COPG1: variants seen among roughly 807,000 people sequenced by gnomAD.
COPG1 encodes coatomer subunit gamma-1.
In COPG1, 29 loss-of-function variants were observed where a neutral mutation model predicts 102.8. The observed-to-expected ratio is 0.28, with a 90% confidence interval of 0.21 to 0.38. The LOEUF (loss-of-function observed/expected upper bound fraction) is 0.38. Among genes scored for constraint, COPG1 ranks in the 10% least tolerant of loss-of-function variants. The probability of loss-of-function intolerance (pLI) is 1.00; values close to 1 mark genes in which losing one functional copy is unlikely to be tolerated. For synonymous variants in COPG1, 406 were observed against 421.6 expected (o/e 0.96, Z 0.45); for missense variants, 875 against 1,132.7 (o/e 0.77, Z 3.27).
chr3:129,262,189 G>A (rs1939938822), intron 12 of COPG1, among the ~76,000 whole-genome samples: 1 of 152,064 alleles, frequency 6.6e-6, no homozygotes, highest in South Asian at 2.1e-4. Flanking sequence ...CAAGGAGGGA[G>A]GATCACTTGA....
At chr3:129,267,267 A>C in intron 15 of COPG1, 168 bp downstream of exon 15, 1 of 524,468 alleles carries the variant, frequency 1.9e-6, no homozygotes, top group East Asian at 3.5e-5. Flanking sequence ...AATGCTGTGC[A>C]AATTGCACCA....
At chr3:129,276,909 C>T (rs918033565) in intron 23 of COPG1, among the ~76,000 whole-genome samples, 15 of 151,086 alleles carry the variant, frequency 9.9e-5, no homozygotes, top group South Asian at 2.1e-4. Flanking sequence ...CTGCAACCTC[C>T]GCCTCCCGGG....
At chr3:129,262,587 G>T (rs1404444923) in intron 12 of COPG1, among the ~76,000 whole-genome samples, 2 of 152,138 alleles carry the variant, frequency 1.3e-5, no homozygotes, top group Non-Finnish European at 2.9e-5. Flanking sequence ...GCCATGTGTG[G>T]TGATGCGCAC....
rs749856957 is a variant in COPG1 at position 129,265,673 on chromosome 3, T to C, written c.1349T>C (p.Val450Ala). The C allele has an allele frequency of 2.5e-6, 4 of 1,614,080 alleles. No individual in the cohort carries two copies. Among genetic ancestry groups the C allele is most frequent in the Admixed American group, 3.3e-5 (2 of 59,992 alleles). Residue 450 changes from valine (V) to alanine (A), a missense_variant, in exon 14 of 24, where the codon GTG becomes GCG. Physicochemically the swap from Val to Ala is moderately conservative, Grantham distance 64 (BLOSUM62 0). Transcript: ENST00000314797. ...CEFIEDCEFT[V>A]LATRILHLLG... ...TTCATCGAGGACTGCGAGTTCACAG[T>C]GCTGGCCACCCGTATTCTACATCTC...
At chr3:129,257,706 C>A (rs1392094247) in intron 9 of COPG1, 21 bp from the exon 10 acceptor site, 1 of 1,613,210 alleles carries the variant, frequency 6.2e-7, no homozygotes, top group Admixed American at 1.7e-5. Context: ...CGTTTTCTTG[C>A]CACCCTATGT....
Position 129,252,435 on chromosome 3 carries a change from T to C in COPG1, c.171+74T>C, listed in dbSNP as rs111368177. 1.3e-5 allele frequency: 15 copies of C among 1,186,106 alleles called. No homozygotes were observed. The African/African-American group carries it at 1.5e-4, about 12-fold the overall frequency. The allele number at this position is 1,186,106 out of a possible 1,614,324, so 73.5% of individuals were successfully genotyped here. Reference sequence around the variant, plus strand: ...AGGGGAGTGGACAAATCATGATCACTCTTAGGCTATTGGACAGCCTCTGTG... The same window carrying C: ...AGGGGAGTGGACAAATCATGATCACCCTTAGGCTATTGGACAGCCTCTGTG... On this transcript the variant is annotated intron_variant, in intron 3 of 23. Transcript: ENST00000314797.
At chr3:129,253,006 C>A in intron 5 of COPG1, 51 bp downstream of exon 5, 1 of 1,509,794 alleles carries the variant, frequency 6.6e-7, no homozygotes, top group South Asian at 1.1e-5. Flanking sequence ...ATTGACAGAC[C>A]ATTTTTTTCT....
chr3:129,257,437 A>C lies in COPG1; in HGVS notation c.580-33A>C, dbSNP rs376386904. 1.1e-5 allele frequency: 18 copies of C among 1,612,338 alleles called. No homozygotes were observed. The African/African-American group carries it at 2.4e-4, about 21-fold the overall frequency. On this transcript the variant is annotated intron_variant, in intron 8 of 23. Coordinates refer to ENST00000314797, the MANE Select transcript of COPG1 (RefSeq NM_016128.4). ...CAGCCAGTATACCCAAAAGTCATAC[A>C]TTTGTACTCTGTTGCTGTCTCCTGT...
chr3:129,265,815 C>A, intron 14 of COPG1, 23 bp downstream of exon 14: 1 of 1,608,064 alleles, frequency 6.2e-7, no homozygotes. Flanking sequence ...CAGGGCTGAA[C>A]TTGGAAACTT....
rs374127054 is a variant in COPG1, at chr3:129,267,009, G to A, written c.1469-15G>A. ...AGGGTGCATTGGGTAAATCACATTC[G>A]CTTCCTAAACACAGGTGCTGTGAGT... is the stretch of plus-strand genomic sequence containing the variant. On this transcript the variant is annotated splice_polypyrimidine_tract_variant and intron_variant, in intron 14 of 23. Coordinates refer to ENST00000314797, the MANE Select transcript of COPG1 (RefSeq NM_016128.4). The A allele has an allele frequency of 2.7e-5, 43 of 1,612,014 alleles. No individual in the cohort carries two copies. The African/African-American group carries it at 3.9e-4, about 15-fold the overall frequency.
chr3:129,262,177 G>T (rs1407073696), intron 12 of COPG1, among the ~76,000 whole-genome samples: 1 of 151,970 alleles, frequency 6.6e-6, no homozygotes, highest in East Asian at 1.9e-4. Flanking sequence ...GCTTTGGGAG[G>T]CCAAGGAGGG....
In COPG1 at chr3:129,267,168, TTA is replaced by T. The variant is rs201280118; in HGVS notation, c.1544+71_1544+72del. Reference sequence around the variant, plus strand: ...GGACCCAAGCAGCTTTCCTTTGTCTTTATTTTTTTTTAACTGAAAAGGGAGAG... The same window carrying T: ...GGACCCAAGCAGCTTTCCTTTGTCTTTTTTTTTTTAACTGAAAAGGGAGAG... On this transcript the variant is annotated intron_variant, in intron 15 of 23. Transcript: ENST00000314797. 750 of 1,197,874 alleles carry T rather than the reference TTA, an allele frequency of 6.3e-4. No individual in the cohort carries two copies. In the African/African-American group the frequency reaches 9.3e-3, roughly 15 times the overall value. The allele number at this position is 1,197,874 out of a possible 1,614,324, so 74.2% of individuals were successfully genotyped here.
chr3:129,265,408 G>C, intron 13 of COPG1, 141 bp from the exon 14 acceptor site: 1 of 1,027,786 alleles, frequency 9.7e-7, no homozygotes, highest in Non-Finnish European at 1.4e-6. Flanking sequence ...TTGTTTGACA[G>C]GAAAGAGTGA....
At chr3:129,264,503 T>G (rs1428655238) in intron 13 of COPG1, among the ~76,000 whole-genome samples, 2 of 152,202 alleles carry the variant, frequency 1.3e-5, no homozygotes, top group Admixed American at 6.5e-5. Flanking sequence ...ATGGTACCCC[T>G]TTCACCCAGC....
intron 23 of COPG1, among the ~76,000 whole-genome samples, chr3:129,276,092 A>G: frequency 6.6e-6 from 1 of 152,232 alleles, no homozygotes; most frequent in Admixed American, 6.5e-5. Flanking sequence ...ATCTTGATAA[A>G]TAACTCCAAG....
At position 129,256,223 on chromosome 3, in the gene COPG1, T is replaced by TG. The variant is rs1337656090; in HGVS notation, c.579+71dup. On this transcript the variant is annotated intron_variant, in intron 8 of 23. Coordinates refer to ENST00000314797, the MANE Select transcript of COPG1 (RefSeq NM_016128.4). ...GTGGTAAGGCACTGGCCAGTTGGCATGGACACTTGCCACCGAGATCCTTGT... is the reference window on the plus strand; with the variant it reads ...GTGGTAAGGCACTGGCCAGTTGGCATGGGACACTTGCCACCGAGATCCTTGT... The TG allele has an allele frequency of 3.1e-6, 4 of 1,302,916 alleles. No individual in the cohort carries two copies. In the African/African-American group the frequency reaches 5.9e-5, roughly 19 times the overall value. 80.7% of individuals were successfully genotyped at this position (1,302,916 alleles called of 1,614,324 possible).
chr3:129,276,572 T>C (rs1224364286), intron 23 of COPG1, among the ~76,000 whole-genome samples: 2 of 152,076 alleles, frequency 1.3e-5, no homozygotes, highest in African/African-American at 4.8e-5. Flanking sequence ...CAGCTGACAG[T>C]TTGTAGCCAC....
Position 129,265,759 on chromosome 3 carries a change from C to A in COPG1, c.1435C>A (p.Arg479=). ...PSKYIRFIYN[R]VVLEHEEVRA... is the part of the protein sequence containing the mutation. ...AAAGTACATCCGCTTCATCTATAAC[C>A]GAGTGGTCTTGGAGCATGAGGAGGT... is the stretch of plus-strand genomic sequence containing the variant. The change falls in exon 14 of 24, where the codon CGA becomes AGA. Residue 479 remains arginine, a synonymous_variant. Transcript: ENST00000314797. 6.2e-7 allele frequency: 1 copy of A among 1,614,052 alleles called. No homozygotes were observed. The highest frequency in any genetic ancestry group is 1.1e-5 in the South Asian group (1 of 91,062).
At position 129,275,971 on chromosome 3, in the gene COPG1, T is replaced by TACACAC. The variant is rs59294610; in HGVS notation, c.2494+701_2494+706dup. On this transcript the variant is annotated intron_variant, in intron 23 of 23. Transcript: ENST00000314797. The surrounding 1 kb of genome is among the most constrained non-coding windows in gnomAD (Gnocchi z 5.0). Reference sequence around the variant, plus strand: ...ACAGATGTTACAGTAAATAATCGTGTACACACACACACACACACACACACA... The same window carrying TACACAC: ...ACAGATGTTACAGTAAATAATCGTGTACACACACACACACACACACACACACACACA... Among the ~76,000 whole-genome samples the TACACAC allele has an allele frequency of 6.7e-5, 10 of 149,394 alleles. No homozygotes were observed. The highest frequency in any genetic ancestry group is 3.9e-4 in the East Asian group (2 of 5,110).
Sources: allele counts gnomAD v4.1 joint callset (sites outside exome capture counted in the v4.1 genomes callset), GRCh38; gene constraint gnomAD v4.1.1; non-coding constraint Gnocchi (gnomAD v3.1); transcripts MANE v1.5; gene names NCBI Gene and HGNC (gene_info 2026-07-23, HGNC 2026-07-21).